TMED10: variants seen among roughly 807,000 people sequenced by gnomAD.
TMED10 encodes the protein transmembrane emp24 domain-containing protein 10.
In TMED10, 7 loss-of-function variants were observed where a neutral mutation model predicts 23.1. The ratio of observed to expected loss-of-function variants is 0.30; its 90% CI spans 0.17 to 0.57. The LOEUF (loss-of-function observed/expected upper bound fraction) is 0.57. Among genes scored for constraint, TMED10 ranks in the 20% least tolerant of loss-of-function variants. TMED10 has a pLI of 0.91. For synonymous variants in TMED10, 113 were observed against 106.9 expected (o/e 1.06, Z -0.35); for missense variants, 162 against 274.8 (o/e 0.59, Z 2.90).
At chr14:75,156,366 C>T (rs1336431190) in intron 1 of TMED10, among the ~76,000 whole-genome samples, 1 of 150,296 alleles carries the variant, frequency 6.7e-6, no homozygotes, top group African/African-American at 2.5e-5. Flanking sequence ...GTTTAGTAAC[C>T]CATGAACTGA....
At chr14:75,135,576 T>C (rs1895739347) in intron 4 of TMED10, 184 bp downstream of exon 4, 1 of 740,996 alleles carries the variant, frequency 1.3e-6, no homozygotes, top group South Asian at 2.0e-5. Context: ...ACAGTAGGAG[T>C]TTCTACTCTC....
chr14:75,143,975 T>G (rs1239873212), intron 3 of TMED10, among the ~76,000 whole-genome samples: 1 of 147,348 alleles, frequency 6.8e-6, no homozygotes, highest in Non-Finnish European at 1.5e-5. Flanking sequence ...GTACATGGAA[T>G]CAGAGTTCCT....
In TMED10 at chr14:75,144,070, T is replaced by C. The variant is rs140714483; in HGVS notation, c.411+3594A>G. ...CCAGGGCAGCTGTGTTTTTGGAATA[T>C]AGATTGATAGCAAATGACAGACAAA... is the stretch of plus-strand genomic sequence containing the variant. On this transcript the variant is annotated intron_variant, in intron 3 of 4. Coordinates refer to ENST00000303575, the MANE Select transcript of TMED10 (RefSeq NM_006827.6). Among the ~76,000 whole-genome samples the C allele has an allele frequency of 1.2e-3, 187 of 152,256 alleles. 1 individual carries two copies. The highest frequency in any genetic ancestry group is 4.5e-3 in the African/African-American group (186 of 41,542).
In TMED10 at chr14:75,147,726, T is replaced by C. The variant is rs768624996; in HGVS notation, c.349A>G (p.Ile117Val). Reference protein sequence around the residue: ...VCFESKGTGRIPDQLVILDMK... With the variant: ...VCFESKGTGRVPDQLVILDMK... ...TCTAGGATCACGAGTTGGTCAGGTA[T>C]CCGCCCTGTTCCTGAGAAAGAAATC... The change falls in exon 3 of 5, where the codon ATA (isoleucine) becomes GTA (valine). Residue 117 changes from isoleucine to valine, a missense_variant. Coordinates refer to ENST00000303575, the MANE Select transcript of TMED10 (RefSeq NM_006827.6). 70 of 1,614,022 alleles carry C rather than the reference T, an allele frequency of 4.3e-5. No homozygotes were observed. The highest frequency in any genetic ancestry group is 4.9e-5 in the Non-Finnish European group (58 of 1,180,044).
rs71119349 is a variant in TMED10, at chr14:75,147,185, G to GTTTTTTTTTTTTTTTTTTTTTTT, written c.411+478_411+479insAAAAAAAAAAAAAAAAAAAAAAA. Among the ~76,000 whole-genome samples, 18 of 116,616 alleles carry GTTTTTTTTTTTTTTTTTTTTTTT rather than the reference G, an allele frequency of 1.5e-4. 1 individual carries two copies. Among genetic ancestry groups the GTTTTTTTTTTTTTTTTTTTTTTT allele is most frequent in the African/African-American group, 5.3e-4 (14 of 26,286 alleles). The allele number at this position is 116,616 out of a possible 152,430, so 76.5% of individuals were successfully genotyped here. A position where few individuals can be genotyped will look rare whatever the true frequency, so the allele number is the denominator to read the frequency against. Reference sequence around the variant, plus strand: ...ACAGCCAGAATTATTCTTCAAGGCTGTTTTTTTTTTTTTTTTTTTTTGAGA... The same window carrying GTTTTTTTTTTTTTTTTTTTTTTT: ...ACAGCCAGAATTATTCTTCAAGGCTGTTTTTTTTTTTTTTTTTTTTTTTTTTTTTTTTTTTTTTTTTTTTGAGA... On this transcript the variant is annotated intron_variant, in intron 3 of 4. Coordinates refer to ENST00000303575, the MANE Select transcript of TMED10 (RefSeq NM_006827.6).
chr14:75,171,512 T>G lies in TMED10; in HGVS notation c.225+4843A>C, dbSNP rs377039849. 7.7e-4 allele frequency among the ~76,000 whole-genome samples: 117 copies of G among 152,204 alleles called. 2 individuals carry two copies. The East Asian group carries it at 0.017, about 22-fold the overall frequency. On this transcript the variant is annotated intron_variant, in intron 1 of 4. Coordinates refer to ENST00000303575, the MANE Select transcript of TMED10 (RefSeq NM_006827.6). Reference sequence around the variant, plus strand: ...CCAGGCTGGTCTCAAACTCCTAACCTTCAGTGATTTGCCCGCCTTGGCCTC... The same window carrying G: ...CCAGGCTGGTCTCAAACTCCTAACCGTCAGTGATTTGCCCGCCTTGGCCTC...
At chr14:75,167,456 C>G (rs1447262631) in intron 1 of TMED10, among the ~76,000 whole-genome samples, 1 of 148,672 alleles carries the variant, frequency 6.7e-6, no homozygotes, top group Non-Finnish European at 1.5e-5. Flanking sequence ...GTCCTTTTCT[C>G]CTTCCTCCTC....
At chr14:75,165,926 A>G (rs1896155238) in intron 1 of TMED10, among the ~76,000 whole-genome samples, 1 of 151,214 alleles carries the variant, frequency 6.6e-6, no homozygotes, top group African/African-American at 2.4e-5. Context: ...TCCTGCTTCT[A>G]TCAGCATTTG....
At chr14:75,161,740 T>G (rs1896087454) in intron 1 of TMED10, among the ~76,000 whole-genome samples, 1 of 151,794 alleles carries the variant, frequency 6.6e-6, no homozygotes. Context: ...CCACTCCTGC[T>G]GCTCACAGAA....
chr14:75,152,031 C>A lies in TMED10; in HGVS notation c.337+1G>T. On this transcript the variant is annotated splice_donor_variant, in intron 2 of 4. Transcript: ENST00000303575. LOFTEE classifies it high-confidence loss of function. ...CCAGAGAAACACTCTTGATTACTCA[C>A]CCTTGCTCTCAAAACACACTTCAAA... The A allele has an allele frequency of 6.2e-7, 1 of 1,613,014 alleles. No homozygotes were observed. The highest frequency in any genetic ancestry group is 8.5e-7 in the Non-Finnish European group (1 of 1,179,106).
At chr14:75,158,005 ACT>A (rs1278066281) in intron 1 of TMED10, among the ~76,000 whole-genome samples, 5 of 152,150 alleles carry the variant, frequency 3.3e-5, no homozygotes, top group African/African-American at 1.2e-4. Context: ...TCCAAAACCC[ACT>A]CTCTTTCTGC....
intron 3 of TMED10, among the ~76,000 whole-genome samples, chr14:75,141,555 T>A (rs866931662): frequency 6.6e-6 from 1 of 152,218 alleles, no homozygotes; most frequent in Non-Finnish European, 1.5e-5. Flanking sequence ...CTCGTAACCC[T>A]ATAAGGTGAA....
At chr14:75,153,884 C>A (rs1384370587) in intron 1 of TMED10, among the ~76,000 whole-genome samples, 2 of 148,586 alleles carry the variant, frequency 1.3e-5, no homozygotes, top group Non-Finnish European at 3.0e-5. Context: ...ATTCTCCTGC[C>A]TCAGCCTCCC....
intron 2 of TMED10, among the ~76,000 whole-genome samples, chr14:75,148,561 T>C (rs1033869328): frequency 2.0e-5 from 3 of 152,126 alleles, no homozygotes; most frequent in Non-Finnish European, 2.9e-5. Flanking sequence ...CCCAGAAAAC[T>C]GTTCAGCCCC....
chr14:75,150,998 G>A (rs754489871), intron 2 of TMED10, among the ~76,000 whole-genome samples: 43 of 152,116 alleles, frequency 2.8e-4, no homozygotes, highest in African/African-American at 1.0e-3. Flanking sequence ...TGCCTCCTGG[G>A]TTCAAACAAT....
chr14:75,166,194 TATTCCCTTGA>T (rs1055878741), intron 1 of TMED10, among the ~76,000 whole-genome samples: 20 of 152,182 alleles, frequency 1.3e-4, no homozygotes, highest in African/African-American at 4.8e-4. Flanking sequence ...TCTTAACAAC[TATTCCCTTGA>T]TTTCCCACAT....
chr14:75,150,954 G>C (rs1030448884), intron 2 of TMED10, among the ~76,000 whole-genome samples: 3 of 152,222 alleles, frequency 2.0e-5, no homozygotes, highest in African/African-American at 7.2e-5. Flanking sequence ...CCAGGCTGCA[G>C]TGCAGTGGTA....
chr14:75,170,257 C>T (rs1466981639), intron 1 of TMED10, among the ~76,000 whole-genome samples: 2 of 151,920 alleles, frequency 1.3e-5, no homozygotes, highest in African/African-American at 2.4e-5. Flanking sequence ...ACTAAGTGAA[C>T]GGACACCATG....
At chr14:75,138,816 T>TA (rs1220406422) in intron 3 of TMED10, among the ~76,000 whole-genome samples, 61 of 94,474 alleles carry the variant, frequency 6.5e-4, no homozygotes, top group African/African-American at 1.9e-3. Context: ...TTGCTTCTTT[T>TA]TTTTTTTTTT....
Sources: gnomAD v4.1 joint callset for allele counts (sites outside exome capture counted in the v4.1 genomes callset) on GRCh38, gnomAD v4.1.1 for gene constraint, MANE v1.5 for transcripts, NCBI Gene and HGNC (gene_info 2026-07-23, HGNC 2026-07-21) for gene names.